The following TLE1 variants were observed in gnomAD, a reference collection of about 807,000 sequenced individuals.
The protein encoded by TLE1 is transducin-like enhancer protein 1.
A neutral mutation model predicts 89.8 loss-of-function variants in TLE1; 21 were observed. The observed-to-expected ratio is 0.23, with a 90% CI of 0.17 to 0.34. TLE1 has a LOEUF of 0.34. Among genes scored for constraint, TLE1 ranks in the 10% least tolerant of loss-of-function variants. The pLI, the probability that TLE1 is intolerant of heterozygous loss-of-function variation, is 1.00. For synonymous variants in TLE1, 447 were observed against 407.6 expected, an observed-to-expected ratio of 1.10 and a Z score of -1.16; for missense variants, 795 against 1,031.2, an observed-to-expected ratio of 0.77 and a Z score of 3.14.
chr9:81,662,941 G>A (rs186299095), intron 4 of TLE1, among the ~76,000 whole-genome samples: 3 of 152,000 alleles, frequency 2.0e-5, no homozygotes, highest in Admixed American at 6.5e-5. Flanking sequence ...TCTGCTTCCT[G>A]GGCTTAAGCG....
chr9:81,640,451 T>C (rs1352055576), intron 6 of TLE1, among the ~76,000 whole-genome samples: 1 of 151,492 alleles, frequency 6.6e-6, no homozygotes, highest in Non-Finnish European at 1.5e-5. Context: ...AGGACTACAC[T>C]GGGAAATTTT....
chr9:81,674,518 C>T (rs1362599521), intron 4 of TLE1, among the ~76,000 whole-genome samples: 2 of 152,258 alleles, frequency 1.3e-5, no homozygotes, highest in South Asian at 2.1e-4. Context: ...ATCTCCATCA[C>T]GACAATTCCA....
At chr9:81,665,162 AG>A (rs1262008799) in intron 4 of TLE1, among the ~76,000 whole-genome samples, 1 of 152,208 alleles carries the variant, frequency 6.6e-6, no homozygotes, top group African/African-American at 2.4e-5. Context: ...CAAAACACTG[AG>A]GCAAGAACAC....
chr9:81,620,513 T>C lies in TLE1; in HGVS notation c.639A>G (p.Lys213=), dbSNP rs1295363568. ...TGGAAAATTCAGGTCCATTTCTGCGTTTATCTGTGCCTCTTAGACTGTCTG... is the reference window on the plus strand; with the variant it reads ...TGGAAAATTCAGGTCCATTTCTGCGCTTATCTGTGCCTCTTAGACTGTCTG... The part of the protein sequence containing the change: ...LVPDSLRGTD[K]RRNGPEFSND... The change falls in exon 9 of 20, where the codon AAA becomes AAG. Residue 213 remains lysine (K), a synonymous_variant. Transcript: ENST00000376499. 1 of 1,614,136 alleles carries C rather than the reference T, an allele frequency of 6.2e-7. No individual in the cohort carries two copies. The highest frequency in any genetic ancestry group is 8.5e-7 in the Non-Finnish European group (1 of 1,180,020).
At chr9:81,628,433 CT>C (rs538436830) in intron 8 of TLE1, among the ~76,000 whole-genome samples, 2 of 151,636 alleles carry the variant, frequency 1.3e-5, no homozygotes, top group Non-Finnish European at 2.9e-5. Context: ...CGTGATTTTT[CT>C]TTTTTTTTCC....
At chr9:81,652,106 T>TACACACGC (rs1829622488) in intron 6 of TLE1, 108 bp downstream of exon 6, 1 of 659,046 alleles carries the variant, frequency 1.5e-6, no homozygotes, top group East Asian at 3.0e-5. Context: ...AACGTTAAGA[T>TACACACGC]ACACACACAC....
intron 4 of TLE1, among the ~76,000 whole-genome samples, chr9:81,656,395 C>G (rs1830151125): frequency 6.6e-6 from 1 of 152,228 alleles, no homozygotes; most frequent in South Asian, 2.1e-4. Context: ...CTGCAACACT[C>G]TGTACATTCC....
intron 6 of TLE1, among the ~76,000 whole-genome samples, chr9:81,642,735 G>GAAAGAAAGAA (rs1398541733): frequency 1.3e-5 from 2 of 151,688 alleles, no homozygotes; most frequent in Non-Finnish European, 2.9e-5. Context: ...AAGAAAGAAA[G>GAAAGAAAGAA]AGAGAGAAAA....
chr9:81,612,368 T>G, intron 12 of TLE1: 1 of 995,672 alleles, frequency 1.0e-6, no homozygotes, highest in Non-Finnish European at 1.2e-6. Flanking sequence ...CATTCCCTGG[T>G]ACCAATTCCA....
At chr9:81,660,798 T>C (rs1224886967) in intron 4 of TLE1, among the ~76,000 whole-genome samples, 1 of 151,582 alleles carries the variant, frequency 6.6e-6, no homozygotes, top group Non-Finnish European at 1.5e-5. Flanking sequence ...ATTCTGCGAC[T>C]TTTAAATTCA....
At chr9:81,623,658 T>C (rs1825567005) in intron 8 of TLE1, among the ~76,000 whole-genome samples, 1 of 144,874 alleles carries the variant, frequency 6.9e-6, no homozygotes, top group South Asian at 2.2e-4. Flanking sequence ...CGGGTGGTGG[T>C]AGACACCTGT....
At chr9:81,627,016 T>C (rs778152126) in intron 8 of TLE1, among the ~76,000 whole-genome samples, 6 of 152,206 alleles carry the variant, frequency 3.9e-5, no homozygotes, top group Non-Finnish European at 7.3e-5. Flanking sequence ...GCTGTTTCTG[T>C]GCCTCTTTGC....
intron 2 of TLE1, 150 bp from the exon 3 acceptor site, chr9:81,686,046 T>C: frequency 1.4e-6 from 1 of 734,584 alleles, no homozygotes; most frequent in East Asian, 2.7e-5. Flanking sequence ...TGTCCTTGCA[T>C]TTAATAGGGA....
chr9:81,644,948 C>CGCACCACT (rs1405635122), intron 6 of TLE1, among the ~76,000 whole-genome samples: 1 of 136,968 alleles, frequency 7.3e-6, no homozygotes, highest in Non-Finnish European at 1.5e-5. Flanking sequence ...GAGCCGATAT[C>CGCACCACT]GCACCACTGC....
rs1255217029 is a variant in TLE1, at chr9:81,634,305, T to G, written c.373-4A>C. 6 of 1,503,086 alleles carry G rather than the reference T, an allele frequency of 4.0e-6. No homozygotes were observed. In the African/African-American group the frequency reaches 6.9e-5, roughly 17 times the overall value. 93.1% of individuals were successfully genotyped at this position (1,503,086 alleles called of 1,614,324 possible). On this transcript the variant is annotated splice_polypyrimidine_tract_variant and splice_region_variant and intron_variant, in intron 6 of 19. Coordinates refer to ENST00000376499, the MANE Select transcript of TLE1 (RefSeq NM_005077.5). ...GCTGAGCTTGCAACTGCTGCTGCTG[T>G]TGGTGGTGGTGGTGAGAGAGAAAAA...
Position 81,620,328 on chromosome 9 carries a change from T to G in TLE1, c.711+113A>C, listed in dbSNP as rs1376901871. On this transcript the variant is annotated intron_variant, in intron 9 of 19. Transcript: ENST00000376499. ...CCTACAATGTAAGAACCTCTCCTCT[T>G]TACAGTATTATGTTTAAGGACATGG... 3 of 853,374 alleles carry G rather than the reference T, an allele frequency of 3.5e-6. No individual in the cohort carries two copies. The African/African-American group carries it at 5.1e-5, about 14-fold the overall frequency. 52.9% of individuals were successfully genotyped at this position (853,374 alleles called of 1,614,324 possible).
At chr9:81,640,519 A>C (rs945611702) in intron 6 of TLE1, among the ~76,000 whole-genome samples, 9 of 152,208 alleles carry the variant, frequency 5.9e-5, no homozygotes, top group African/African-American at 2.2e-4. Flanking sequence ...TTGGGGATAA[A>C]GAGATCAGTG....
intron 4 of TLE1, among the ~76,000 whole-genome samples, chr9:81,657,998 C>G (rs1381426358): frequency 6.6e-6 from 1 of 151,020 alleles, no homozygotes; most frequent in African/African-American, 2.4e-5. Flanking sequence ...CAACCTCCAC[C>G]TCCCGGGTTC....
chr9:81,591,104 C>T, intron 15 of TLE1, 52 bp from the exon 16 acceptor site: 8 of 1,579,988 alleles, frequency 5.1e-6, no homozygotes, highest in Non-Finnish European at 6.9e-6. Context: ...GCAATCATAG[C>T]ACCATGTTCT....
Sources: allele counts gnomAD v4.1 joint callset (sites outside exome capture counted in the v4.1 genomes callset), GRCh38; gene constraint gnomAD v4.1.1; transcripts MANE v1.5; gene names NCBI Gene and HGNC (gene_info 2026-07-23, HGNC 2026-07-21).